The following MIA2 variants were observed in gnomAD, a reference collection of about 807,000 sequenced individuals.
The protein encoded by MIA2 is MIA SH3 domain ER export factor 2, also known as melanoma inhibitory activity protein 2.
In MIA2, 127 loss-of-function variants were observed where a neutral mutation model predicts 167.8. The observed-to-expected ratio is 0.76, with a 90% CI of 0.66 to 0.88. The LOEUF (loss-of-function observed/expected upper bound fraction) is 0.88, where lower values mean the gene tolerates loss of function less well. Ranked by LOEUF, MIA2 falls within the 40% of genes least tolerant of loss-of-function variation. The probability of loss-of-function intolerance (pLI) is 0.00; values close to 1 mark genes in which losing one functional copy is unlikely to be tolerated. For missense variants in MIA2, 1,690 were observed against 1,624.7 expected (o/e 1.04, Z -0.69); for synonymous variants, 552 against 541.9 (o/e 1.02, Z -0.26).
chr14:39,265,355 A>G, intron 6 of MIA2: 1 of 1,539,608 alleles, frequency 6.5e-7, no homozygotes, highest in Non-Finnish European at 9.0e-7. Context: ...GTAGAACTTT[A>G]TTTACATGTT....
intron 6 of MIA2, among the ~76,000 whole-genome samples, chr14:39,270,936 T>C (rs1442537440): frequency 6.6e-6 from 1 of 152,244 alleles, no homozygotes; most frequent in East Asian, 1.9e-4. Flanking sequence ...TCTTGGTGTG[T>C]CCTTTGAAGC....
Position 39,299,915 on chromosome 14 carries a change from CAGAA to C in MIA2, c.2551_2554del (p.Lys851Ter), listed in dbSNP as rs2062121139. 6.2e-7 allele frequency: 1 copy of C among 1,608,954 alleles called. No individual in the cohort carries two copies. The highest frequency in any genetic ancestry group is 8.5e-7 in the Non-Finnish European group (1 of 1,178,586). ...AGAACAAGTGAGTGAACTTAATAAACAGAAAGTAACATTTGAAGACTCCAAAGTA... is the reference window on the plus strand; with the variant it reads ...AGAACAAGTGAGTGAACTTAATAAACAGTAACATTTGAAGACTCCAAAGTA... On this transcript the variant is annotated frameshift_variant, in exon 14 of 29. Coordinates refer to ENST00000640607, the MANE Select transcript of MIA2 (RefSeq NM_001329214.4). LOFTEE classifies it high-confidence loss of function.
intron 23 of MIA2, among the ~76,000 whole-genome samples, chr14:39,357,151 G>A (rs1290093126): frequency 6.6e-6 from 1 of 152,198 alleles, no homozygotes; most frequent in African/African-American, 2.4e-5. Flanking sequence ...TGACAATGGG[G>A]TGTTAAAGTC....
chr14:39,258,708 T>G (rs973014445), intron 6 of MIA2, among the ~76,000 whole-genome samples: 3 of 152,248 alleles, frequency 2.0e-5, no homozygotes, highest in African/African-American at 7.2e-5. Flanking sequence ...TGGTTTTTCC[T>G]TATCTTCATG....
Position 39,350,088 on chromosome 14 carries a change from C to G in MIA2, c.4073-10C>G. On this transcript the variant is annotated splice_polypyrimidine_tract_variant and intron_variant, in intron 28 of 28. Transcript: ENST00000640607. Reference sequence around the variant, plus strand: ...GTTAAAAAATGTCTTTTACCAATCTCTTTGAACAGTGAGAAATGTCTATCC... The same window carrying G: ...GTTAAAAAATGTCTTTTACCAATCTGTTTGAACAGTGAGAAATGTCTATCC... The G allele has an allele frequency of 8.5e-7, 1 of 1,183,354 alleles. No individual in the cohort carries two copies. The allele number at this position is 1,183,354 out of a possible 1,614,324, so 73.3% of individuals were successfully genotyped here. A position where few individuals can be genotyped will look rare whatever the true frequency, so the allele number is the denominator to read the frequency against.
At chr14:39,277,713 T>G (rs1157773131) in intron 7 of MIA2, among the ~76,000 whole-genome samples, 3 of 5,468 alleles carry the variant, frequency 5.5e-4, no homozygotes, top group Admixed American at 1.8e-3. Flanking sequence ...TATATATATA[T>G]ATGTGTGTAT....
At chr14:39,364,240 C>A (rs182832072) in intron 23 of MIA2, among the ~76,000 whole-genome samples, 1 of 152,036 alleles carries the variant, frequency 6.6e-6, no homozygotes. Context: ...CGCCTGTAGT[C>A]CCAGCTACTC....
chr14:39,372,731 T>C (rs891154858), intron 23 of MIA2, among the ~76,000 whole-genome samples: 1 of 152,212 alleles, frequency 6.6e-6, no homozygotes, highest in Admixed American at 6.5e-5. Flanking sequence ...TATGGACTAG[T>C]GTTTTAATGT....
At chr14:39,332,766 C>T (rs1379890438) in intron 25 of MIA2, among the ~76,000 whole-genome samples, 2 of 151,974 alleles carry the variant, frequency 1.3e-5, no homozygotes, top group Non-Finnish European at 2.9e-5. Context: ...TCTAACCAGT[C>T]CCAGTGAGAT....
intron 4 of MIA2, among the ~76,000 whole-genome samples, chr14:39,252,148 G>C (rs1356995781): frequency 6.6e-6 from 1 of 152,040 alleles, no homozygotes; most frequent in Non-Finnish European, 1.5e-5. Flanking sequence ...CTATGTAGTA[G>C]GCTGAATAAA....
intron 6 of MIA2, among the ~76,000 whole-genome samples, chr14:39,255,463 AT>A (rs775057565): frequency 3.7e-4 from 57 of 152,328 alleles, no homozygotes; most frequent in Non-Finnish European, 6.3e-4. Flanking sequence ...AGCCAAGATC[AT>A]GCCACTGCAC....
intron 25 of MIA2, among the ~76,000 whole-genome samples, chr14:39,344,889 CTT>C (rs1300310527): frequency 6.6e-6 from 1 of 152,080 alleles, no homozygotes; most frequent in Non-Finnish European, 1.5e-5. Flanking sequence ...ACCGCAATTA[CTT>C]TTGCACCAAC....
At chr14:39,277,872 C>T (rs1014317104) in intron 7 of MIA2, among the ~76,000 whole-genome samples, 2 of 145,626 alleles carry the variant, frequency 1.4e-5, no homozygotes, top group African/African-American at 5.1e-5. Flanking sequence ...CTACAGCCTA[C>T]AGCCTCAAAC....
At chr14:39,321,210 T>C (rs2066366646) in intron 24 of MIA2, among the ~76,000 whole-genome samples, 154 bp downstream of exon 24, 1 of 152,228 alleles carries the variant, frequency 6.6e-6, no homozygotes, top group Admixed American at 6.5e-5. Context: ...AGGAGCTCTA[T>C]GACATCTAAT....
chr14:39,382,397 T>A (rs1171936804), intron 23 of MIA2, among the ~76,000 whole-genome samples: 2 of 152,222 alleles, frequency 1.3e-5, no homozygotes, highest in African/African-American at 4.8e-5. Context: ...AAAAAGTTCC[T>A]GAGACAAGTC....
intron 23 of MIA2, among the ~76,000 whole-genome samples, chr14:39,378,550 A>G (rs59337529): frequency 0.08 from 12,162 of 152,298 alleles, 1,630 homozygotes; most frequent in African/African-American, 0.27. Context: ...TAGAACAGCC[A>G]TGGTTAAAGA....
chr14:39,334,122 C>G (rs1247790920), intron 25 of MIA2, among the ~76,000 whole-genome samples: 1 of 151,800 alleles, frequency 6.6e-6, no homozygotes, highest in Non-Finnish European at 1.5e-5. Flanking sequence ...TTCATTCCTA[C>G]CTAAAGTTAA....
chr14:39,314,832 GTGTGTATA>G (rs2065081478), intron 20 of MIA2, 33 bp downstream of exon 20: 12 of 1,277,356 alleles, frequency 9.4e-6, no homozygotes, highest in East Asian at 2.5e-5. Flanking sequence ...GTGTGTGTGT[GTGTGTATA>G]TATATATAAT....
At chr14:39,276,422 A>G (rs1035714433) in intron 6 of MIA2, 2 of 153,412 alleles carry the variant, frequency 1.3e-5, no homozygotes, top group African/African-American at 4.8e-5. Flanking sequence ...GGGTGGGGAG[A>G]TTCAAACTCC....
Sources: gnomAD v4.1 joint callset for allele counts (sites outside exome capture counted in the v4.1 genomes callset) on GRCh38, gnomAD v4.1.1 for gene constraint, MANE v1.5 for transcripts, NCBI Gene and HGNC (gene_info 2026-07-23, HGNC 2026-07-21) for gene names.